The following ACOXL variants were observed in gnomAD, a reference collection of about 807,000 sequenced individuals.
ACOXL encodes acyl-CoA oxidase like, also known as acyl-coenzyme A oxidase-like protein.
A neutral mutation model predicts 71.9 loss-of-function variants in ACOXL; 70 were observed. The ratio of observed to expected loss-of-function variants is 0.97; its 90% CI spans 0.80 to 1.19. The LOEUF is 1.19. Ranked by LOEUF, ACOXL falls within the 50% of genes most tolerant of loss-of-function variation. ACOXL has a pLI of 0.00. For missense variants in ACOXL, 703 were observed against 736.3 expected, an observed-to-expected ratio of 0.95 and a Z score of 0.52; for synonymous variants, 253 against 281.6, an observed-to-expected ratio of 0.90 and a Z score of 1.02.
At chr2:111,060,986 T>C (rs1332719292) in intron 16 of ACOXL, among the ~76,000 whole-genome samples, 3 of 151,940 alleles carry the variant, frequency 2.0e-5, no homozygotes, top group Admixed American at 6.6e-5. Flanking sequence ...AGAAAGAAGA[T>C]GGAATGAAAA....
At chr2:110,879,317 G>A (rs1696327963) in intron 10 of ACOXL, among the ~76,000 whole-genome samples, 1 of 152,172 alleles carries the variant, frequency 6.6e-6, no homozygotes, top group African/African-American at 2.4e-5. Context: ...TGGACTGAGA[G>A]GCTGTCTTCA....
chr2:111,061,808 C>T (rs2066829992), intron 16 of ACOXL, among the ~76,000 whole-genome samples: 1 of 151,884 alleles, frequency 6.6e-6, no homozygotes, highest in Admixed American at 6.6e-5. Context: ...AAATGTAATA[C>T]CTGGAGTAAC....
At chr2:110,880,784 A>G (rs1293988036) in intron 10 of ACOXL, among the ~76,000 whole-genome samples, 1 of 152,106 alleles carries the variant, frequency 6.6e-6, no homozygotes, top group Non-Finnish European at 1.5e-5. Flanking sequence ...TTGCACTCCA[A>G]CCTAGGCAAC....
intron 14 of ACOXL, among the ~76,000 whole-genome samples, chr2:111,013,778 T>G (rs1157046719): frequency 6.6e-6 from 1 of 152,126 alleles, no homozygotes; most frequent in African/African-American, 2.4e-5. Flanking sequence ...CATAAAACTC[T>G]TTCAAAAACC....
chr2:111,017,050 G>C (rs1341566829), intron 14 of ACOXL, among the ~76,000 whole-genome samples: 1 of 152,226 alleles, frequency 6.6e-6, no homozygotes, highest in African/African-American at 2.4e-5. Context: ...TACAATTGAA[G>C]TGACATTTTC....
intron 17 of ACOXL, among the ~76,000 whole-genome samples, chr2:111,101,666 A>C (rs189949345): frequency 9.0e-4 from 137 of 152,008 alleles, no homozygotes; most frequent in African/African-American, 3.1e-3. Flanking sequence ...GAAAAAAAAA[A>C]AAAACTGTTT....
intron 16 of ACOXL, among the ~76,000 whole-genome samples, chr2:111,076,815 C>G (rs1339642557): frequency 6.6e-6 from 1 of 152,148 alleles, no homozygotes; most frequent in African/African-American, 2.4e-5. Flanking sequence ...ATTGCGCTAC[C>G]TTTGGAGGCT....
chr2:110,794,650 C>T, intron 5 of ACOXL, among the ~76,000 whole-genome samples: 1 of 152,178 alleles, frequency 6.6e-6, no homozygotes, highest in East Asian at 1.9e-4. Context: ...CCGTGACCTG[C>T]ACTGACATTT....
At chr2:111,109,669 C>CTTTTTT (rs1392518341) in intron 17 of ACOXL, among the ~76,000 whole-genome samples, 16 of 83,114 alleles carry the variant, frequency 1.9e-4, no homozygotes, top group African/African-American at 4.6e-4. Flanking sequence ...TTTTCTCCTT[C>CTTTTTT]TATTTTTTTT....
chr2:111,061,918 G>GA (rs993985151), intron 16 of ACOXL, among the ~76,000 whole-genome samples: 12 of 150,400 alleles, frequency 8.0e-5, no homozygotes, highest in African/African-American at 2.7e-4. Context: ...AGCCAAGGAA[G>GA]AAAAAAAAGA....
chr2:110,978,296 C>A (rs1455594399), intron 12 of ACOXL, among the ~76,000 whole-genome samples: 1 of 152,150 alleles, frequency 6.6e-6, no homozygotes, highest in Non-Finnish European at 1.5e-5. Context: ...TGAACTCACT[C>A]CATCAAGCCC....
chr2:110,972,768 C>T (rs2062266437), intron 12 of ACOXL, among the ~76,000 whole-genome samples: 1 of 152,116 alleles, frequency 6.6e-6, no homozygotes. Context: ...TCAATGGAGT[C>T]ATGCAGGACA....
intron 16 of ACOXL, among the ~76,000 whole-genome samples, chr2:111,052,854 C>T (rs988068952): frequency 4.6e-5 from 7 of 152,090 alleles, no homozygotes; most frequent in African/African-American, 1.7e-4. Context: ...GTCCTCCCAC[C>T]CCCCCAATCT....
intron 10 of ACOXL, among the ~76,000 whole-genome samples, chr2:110,900,880 C>T (rs934947986): frequency 6.6e-6 from 1 of 152,190 alleles, no homozygotes; most frequent in Non-Finnish European, 1.5e-5. Context: ...ATAACACTGG[C>T]TAGAAATGAC....
intron 10 of ACOXL, among the ~76,000 whole-genome samples, chr2:110,843,580 A>G (rs1204667562): frequency 6.6e-6 from 1 of 152,132 alleles, no homozygotes; most frequent in African/African-American, 2.4e-5. Flanking sequence ...CTTGACCCCA[A>G]ACTTAGAACC....
intron 10 of ACOXL, among the ~76,000 whole-genome samples, chr2:110,847,790 C>T (rs929051389): frequency 9.2e-5 from 14 of 152,116 alleles, no homozygotes; most frequent in Non-Finnish European, 1.8e-4. Flanking sequence ...TGCGTGTGAT[C>T]GAACTGCTCA....
rs951141624 is a variant in ACOXL at position 110,876,691 on chromosome 2, C to T, written c.789-32098C>T. ...GTCTCACTATGTGATGGCATGGCGACGAATTTAACACACTGGCACAGACGG... is the reference window on the plus strand; with the variant it reads ...GTCTCACTATGTGATGGCATGGCGATGAATTTAACACACTGGCACAGACGG... On this transcript the variant is annotated intron_variant, in intron 10 of 17. Transcript: ENST00000439055. Among the ~76,000 whole-genome samples the T allele has an allele frequency of 9.9e-5, 15 of 152,208 alleles. No homozygotes were observed. The Middle Eastern group carries it at 0.01, about 104-fold the overall frequency.
At chr2:110,915,507 T>G (rs950584624) in intron 11 of ACOXL, among the ~76,000 whole-genome samples, 1 of 149,154 alleles carries the variant, frequency 6.7e-6, no homozygotes, top group Non-Finnish European at 1.5e-5. Flanking sequence ...CACTGCAACC[T>G]CTGCCTCCCA....
intron 12 of ACOXL, among the ~76,000 whole-genome samples, chr2:110,956,481 G>C (rs2061505416): frequency 6.6e-6 from 1 of 152,186 alleles, no homozygotes; most frequent in Non-Finnish European, 1.5e-5. Context: ...ACTGGACTCA[G>C]AATCCTGAAT....
Sources: gnomAD v4.1 joint callset for allele counts (sites outside exome capture counted in the v4.1 genomes callset) on GRCh38, gnomAD v4.1.1 for gene constraint, MANE v1.5 for transcripts, NCBI Gene and HGNC (gene_info 2026-07-23, HGNC 2026-07-21) for gene names.